Variants in PDE10A observed in about 807,000 individuals in gnomAD.
PDE10A encodes the protein cAMP and cAMP-inhibited cGMP 3',5'-cyclic phosphodiesterase 10A.
PDE10A carries 39 observed loss-of-function variants against 97.7 expected under a neutral mutation model. The ratio of observed to expected loss-of-function variants is 0.40; its 90% CI spans 0.31 to 0.52. PDE10A has a LOEUF of 0.52. PDE10A is among the 20% of genes least tolerant of loss of function. The pLI, the probability that PDE10A is intolerant of heterozygous loss-of-function variation, is 0.56. For synonymous variants in PDE10A, 371 were observed against 376.8 expected (o/e 0.98, Z 0.18); for missense variants, 731 against 1,047.8 (o/e 0.70, Z 4.17).
intron 3 of PDE10A, among the ~76,000 whole-genome samples, chr6:165,464,625 A>T (rs7738620): frequency 0.034 from 5,173 of 152,152 alleles, 291 homozygotes; most frequent in African/African-American, 0.12. Context: ...GAACATTTCA[A>T]CTCTTCATAA....
intron 1 of PDE10A, among the ~76,000 whole-genome samples, chr6:165,919,344 A>G (rs1296399528): frequency 6.6e-6 from 1 of 152,158 alleles, no homozygotes; most frequent in Non-Finnish European, 1.5e-5. Context: ...ACATGCCATG[A>G]GCATATGTAC....
At chr6:165,368,965 A>G (rs990365079) in intron 18 of PDE10A, among the ~76,000 whole-genome samples, 1 of 152,172 alleles carries the variant, frequency 6.6e-6, no homozygotes. Context: ...ACCCAGGCAA[A>G]CAGGGTCTGG....
chr6:165,773,013 A>T (rs1778058549), intron 1 of PDE10A, among the ~76,000 whole-genome samples: 5 of 152,242 alleles, frequency 3.3e-5, no homozygotes, highest in Admixed American at 3.3e-4. Context: ...ATTTTTAAAA[A>T]ATAGATTGCC....
chr6:165,384,618 GTA>G (rs1305509534), intron 17 of PDE10A, among the ~76,000 whole-genome samples: 5 of 133,086 alleles, frequency 3.8e-5, no homozygotes, highest in African/African-American at 1.2e-4. Context: ...ACGTGTGTGT[GTA>G]TGTGTGAGTG....
chr6:165,979,070 C>T (rs1296575860), intron 1 of PDE10A, among the ~76,000 whole-genome samples: 1 of 152,282 alleles, frequency 6.6e-6, no homozygotes, highest in East Asian at 1.9e-4. Context: ...ACACACGCAC[C>T]AAGAGGACAT....
At chr6:165,643,497 C>T (rs1165745655) in intron 1 of PDE10A, among the ~76,000 whole-genome samples, 1 of 152,072 alleles carries the variant, frequency 6.6e-6, no homozygotes, top group East Asian at 1.9e-4. Flanking sequence ...GGGCAATGAG[C>T]CATAGTAAGG....
At chr6:165,973,816 GT>G (rs1784770983) in intron 1 of PDE10A, among the ~76,000 whole-genome samples, 1 of 152,190 alleles carries the variant, frequency 6.6e-6, no homozygotes, top group Non-Finnish European at 1.5e-5. Context: ...TTCATGTAAA[GT>G]TTTTTTATTC....
At chr6:165,639,888 G>A (rs1005846029) in intron 1 of PDE10A, among the ~76,000 whole-genome samples, 7 of 151,974 alleles carry the variant, frequency 4.6e-5, no homozygotes, top group Non-Finnish European at 8.8e-5. Flanking sequence ...GGCAACATAG[G>A]GAGACCTTGT....
intron 1 of PDE10A, among the ~76,000 whole-genome samples, chr6:165,606,274 T>C (rs891891087): frequency 2.0e-5 from 3 of 151,902 alleles, no homozygotes; most frequent in Non-Finnish European, 4.4e-5. Context: ...AAGAGGGGCA[T>C]GTGTCAGTCC....
intron 1 of PDE10A, among the ~76,000 whole-genome samples, chr6:165,860,887 C>T (rs909028022): frequency 2.0e-5 from 3 of 152,204 alleles, no homozygotes; most frequent in African/African-American, 7.2e-5. Context: ...GCAGGCACAT[C>T]ATGGGCCTCT....
chr6:165,967,087 G>A lies in PDE10A; in HGVS notation c.-615+20442C>T, dbSNP rs113453095. On this transcript the variant is annotated intron_variant, in intron 1 of 19. Coordinates refer to the PDE10A transcript ENST00000366882. ...TTATCTGGGGTACCAAGTGCTTGCC[G>A]TATATGGAAGGGTACAACTGATTCC... Among the ~76,000 whole-genome samples, 28 of 152,308 alleles carry A rather than the reference G, an allele frequency of 1.8e-4. 1 individual carries two copies. The highest frequency in any genetic ancestry group is 5.8e-4 in the African/African-American group (24 of 41,570).
chr6:165,601,446 G>A (rs923460694), intron 1 of PDE10A, among the ~76,000 whole-genome samples: 33 of 152,034 alleles, frequency 2.2e-4, no homozygotes, highest in African/African-American at 4.1e-4. Flanking sequence ...GTACTATGCC[G>A]TGTTTTATGT....
At chr6:165,693,995 A>G (rs1312525751) in intron 1 of PDE10A, among the ~76,000 whole-genome samples, 2 of 152,176 alleles carry the variant, frequency 1.3e-5, no homozygotes, top group Non-Finnish European at 2.9e-5. Flanking sequence ...CATCATGTCT[A>G]CTTTGAAGTA....
chr6:165,957,669 C>T (rs1000236350), intron 1 of PDE10A, among the ~76,000 whole-genome samples: 4 of 152,194 alleles, frequency 2.6e-5, no homozygotes, highest in Non-Finnish European at 5.9e-5. Flanking sequence ...TCAATAACCT[C>T]CTTATTAATG....
intron 18 of PDE10A, among the ~76,000 whole-genome samples, chr6:165,367,806 A>G (rs988972650): frequency 7.3e-5 from 11 of 151,514 alleles, no homozygotes; most frequent in African/African-American, 2.4e-4. Context: ...GATTAAAAAA[A>G]AACAAAAACA....
chr6:165,597,489 C>A (rs745423487), intron 1 of PDE10A, among the ~76,000 whole-genome samples: 11 of 152,094 alleles, frequency 7.2e-5, no homozygotes, highest in Non-Finnish European at 1.2e-4. Flanking sequence ...CAGGTTTTGG[C>A]CACAAAAATG....
intron 1 of PDE10A, among the ~76,000 whole-genome samples, chr6:165,864,072 C>T (rs1379019760): frequency 6.6e-6 from 1 of 152,134 alleles, no homozygotes; most frequent in African/African-American, 2.4e-5. Flanking sequence ...TGCCCAAGGA[C>T]CCTGCTTGTC....
chr6:165,832,211 T>C (rs554448277), intron 1 of PDE10A, among the ~76,000 whole-genome samples: 4 of 152,282 alleles, frequency 2.6e-5, no homozygotes, highest in South Asian at 4.1e-4. Context: ...AAATACTTAG[T>C]TCCTGTCACA....
At chr6:165,704,241 G>A (rs1312119261) in intron 1 of PDE10A, among the ~76,000 whole-genome samples, 1 of 152,182 alleles carries the variant, frequency 6.6e-6, no homozygotes, top group East Asian at 1.9e-4. Flanking sequence ...AATGGCAGCA[G>A]CTCTGGAGGG....
Sources: gnomAD v4.1 joint callset for allele counts (sites outside exome capture counted in the v4.1 genomes callset) on GRCh38, gnomAD v4.1.1 for gene constraint, MANE v1.5 for transcripts, NCBI Gene and HGNC (gene_info 2026-07-23, HGNC 2026-07-21) for gene names.